Variants in CNGA1 observed in about 807,000 individuals in gnomAD.
CNGA1 encodes the protein cyclic nucleotide-gated channel alpha-1.
CNGA1 carries 53 observed loss-of-function variants against 69.7 expected under a neutral mutation model. The ratio of observed to expected loss-of-function variants is 0.76; its 90% confidence interval spans 0.61 to 0.96. The LOEUF (loss-of-function observed/expected upper bound fraction) is 0.96, where lower values mean the gene tolerates loss of function less well. Ranked by LOEUF, CNGA1 falls within the 40% of genes least tolerant of loss-of-function variation. The pLI is 0.00. For missense variants in CNGA1, 739 were observed against 811.2 expected (o/e 0.91, Z 1.08); for synonymous variants, 249 against 283.5 (o/e 0.88, Z 1.22).
intron 4 of CNGA1, 22 bp downstream of exon 4, chr4:47,952,561 A>G (rs773470835): frequency 1.2e-6 from 2 of 1,611,174 alleles, no homozygotes; most frequent in East Asian, 2.2e-5. Flanking sequence ...ATAAAAATGC[A>G]TGGGAAAATG....
intron 2 of CNGA1, among the ~76,000 whole-genome samples, chr4:48,009,138 T>G (rs996343416): frequency 9.2e-5 from 14 of 152,210 alleles, no homozygotes; most frequent in Non-Finnish European, 2.1e-4. Context: ...TTTCTAATAT[T>G]ACTTTATCAG....
chr4:47,971,518 C>A (rs1685106328), intron 3 of CNGA1, among the ~76,000 whole-genome samples: 1 of 151,934 alleles, frequency 6.6e-6, no homozygotes, highest in South Asian at 2.1e-4. Flanking sequence ...CAGGAATTAA[C>A]AACTGTTGAC....
intron 3 of CNGA1, among the ~76,000 whole-genome samples, chr4:47,966,244 A>G (rs1424294027): frequency 1.3e-5 from 2 of 152,216 alleles, no homozygotes; most frequent in Non-Finnish European, 2.9e-5. Context: ...TGGCTCTGCC[A>G]CTTATTAGCT....
rs34131738 is a variant in CNGA1 at position 47,938,991 on chromosome 4, AAG to A, written c.653-1164_653-1163del. Among the ~76,000 whole-genome samples, 1,391 of 146,432 alleles carry A rather than the reference AAG, an allele frequency of 9.5e-3. 4 individuals are homozygous for A. The highest frequency in any genetic ancestry group is 0.015 in the Non-Finnish European group (1,006 of 67,678). Reference sequence around the variant, plus strand: ...AAGAAAGAAAGAAAAGAAAGAAAGAAAGAGAAAGAAAGAAAGAAAGAGAAAGA... The same window carrying A: ...AAGAAAGAAAGAAAAGAAAGAAAGAAAGAAAGAAAGAAAGAAAGAGAAAGA... On this transcript the variant is annotated intron_variant, in intron 10 of 10. Coordinates refer to ENST00000514170, the MANE Select transcript of CNGA1 (RefSeq NM_001379270.1).
chr4:47,983,906 G>A (rs1464977264), intron 2 of CNGA1, among the ~76,000 whole-genome samples: 5 of 152,208 alleles, frequency 3.3e-5, no homozygotes, highest in African/African-American at 1.2e-4. Flanking sequence ...AGTTAGCTGT[G>A]ATTCACACCC....
At chr4:48,011,822 C>CTCATAGAAA (rs1560317833) in intron 1 of CNGA1, among the ~76,000 whole-genome samples, 1 of 152,010 alleles carries the variant, frequency 6.6e-6, no homozygotes, top group African/African-American at 2.4e-5. Context: ...CCTAAAGACA[C>CTCATAGAAA]GGGATTCATA....
At position 47,937,372 on chromosome 4, in the gene CNGA1, C is replaced by T. The variant is rs753278950; in HGVS notation, c.1110G>A (p.Glu370=). The T allele has an allele frequency of 1.9e-6, 3 of 1,614,114 alleles. No homozygotes were observed. The highest frequency in any genetic ancestry group is 2.2e-5 in the South Asian group (2 of 91,084). Residue 370 remains glutamate, a synonymous_variant, in exon 11 of 11, where the codon GAG becomes GAA. Transcript: ENST00000514170. ...GGAAATCAACCACCACAAAGACATA[C>T]TCAGAATCCCTCACGGGAGGGGGTG... is the stretch of plus-strand genomic sequence containing the variant. ...GETPPPVRDS[E]YVFVVVDFLI...
At chr4:48,007,886 T>C (rs1714990407) in intron 2 of CNGA1, among the ~76,000 whole-genome samples, 1 of 152,132 alleles carries the variant, frequency 6.6e-6, no homozygotes, top group African/African-American at 2.4e-5. Flanking sequence ...CAAACAGAAG[T>C]TGAGGAAACA....
intron 3 of CNGA1, among the ~76,000 whole-genome samples, chr4:47,957,507 C>A (rs1487517398): frequency 1.3e-5 from 2 of 152,058 alleles, no homozygotes; most frequent in Non-Finnish European, 2.9e-5. Flanking sequence ...GTAGTCCCAG[C>A]TACTTGGCAG....
intron 4 of CNGA1, among the ~76,000 whole-genome samples, chr4:47,951,696 T>C (rs1262981263): frequency 6.6e-6 from 1 of 152,242 alleles, no homozygotes; most frequent in Non-Finnish European, 1.5e-5. Context: ...GAAACTAGTT[T>C]CTAGGTTTTC....
In CNGA1 at chr4:47,984,663, TACACACAC is replaced by T. The variant is rs60055899; in HGVS notation, c.-122-3171_-122-3164del. Among the ~76,000 whole-genome samples, 22 of 127,314 alleles carry T rather than the reference TACACACAC, an allele frequency of 1.7e-4. No individual in the cohort carries two copies. The East Asian group carries it at 3.1e-3, about 18-fold the overall frequency. 83.5% of individuals were successfully genotyped at this position (127,314 alleles called of 152,430 possible). A position where few individuals can be genotyped will look rare whatever the true frequency, so the allele number is the denominator to read the frequency against. ...AATAAAAAAAATATATATATATATA[TACACACAC>T]ACACACACACACACACACACACATA... On this transcript the variant is annotated intron_variant, in intron 2 of 10. Transcript: ENST00000514170.
At chr4:47,950,338 TAA>T (rs1053162252) in intron 5 of CNGA1, among the ~76,000 whole-genome samples, 101 of 152,348 alleles carry the variant, frequency 6.6e-4, no homozygotes, top group African/African-American at 2.4e-3. Context: ...TGCCACCATG[TAA>T]GACATGACTT....
chr4:48,013,362 T>C (rs937959608), intron 1 of CNGA1, among the ~76,000 whole-genome samples: 1 of 152,228 alleles, frequency 6.6e-6, no homozygotes, highest in Non-Finnish European at 1.5e-5. Flanking sequence ...CAGGAGGTCC[T>C]GATGACATGT....
chr4:48,004,624 T>C (rs1177562176), intron 2 of CNGA1, among the ~76,000 whole-genome samples: 1 of 152,090 alleles, frequency 6.6e-6, no homozygotes, highest in Non-Finnish European at 1.5e-5. Context: ...TAAAGTCTCA[T>C]GTCCTATAAA....
intron 5 of CNGA1, 75 bp from the exon 6 acceptor site, chr4:47,949,970 GA>G (rs1372229990): frequency 7.6e-7 from 1 of 1,316,350 alleles, no homozygotes; most frequent in African/African-American, 1.4e-5. Flanking sequence ...CAAATGGTCT[GA>G]AAAAACAAAT....
intron 3 of CNGA1, among the ~76,000 whole-genome samples, chr4:47,978,330 C>T (rs1022564046): frequency 6.6e-6 from 1 of 152,052 alleles, no homozygotes; most frequent in African/African-American, 2.4e-5. Context: ...TATCACATGA[C>T]AAGGGATGTC....
intron 3 of CNGA1, among the ~76,000 whole-genome samples, chr4:47,980,438 G>T (rs1741636265): frequency 6.7e-6 from 1 of 149,582 alleles, no homozygotes; most frequent in African/African-American, 2.5e-5. Flanking sequence ...AAACATGACA[G>T]TAATTGATAA....
chr4:47,957,844 C>G (rs980514100), intron 3 of CNGA1, among the ~76,000 whole-genome samples: 3 of 151,176 alleles, frequency 2.0e-5, no homozygotes, highest in Non-Finnish European at 4.4e-5. Context: ...TTTGGCCATT[C>G]TCCTATGTTG....
At chr4:47,979,186 T>G (rs1560302770) in intron 3 of CNGA1, among the ~76,000 whole-genome samples, 1 of 151,920 alleles carries the variant, frequency 6.6e-6, no homozygotes, top group Non-Finnish European at 1.5e-5. Flanking sequence ...CTGAGTGAGG[T>G]GGCTCATGCC....
Sources: gnomAD v4.1 joint callset for allele counts (sites outside exome capture counted in the v4.1 genomes callset) on GRCh38, gnomAD v4.1.1 for gene constraint, MANE v1.5 for transcripts, NCBI Gene and HGNC (gene_info 2026-07-23, HGNC 2026-07-21) for gene names.